The following PTPRD variants were observed in gnomAD, a reference collection of about 807,000 sequenced individuals.
The protein encoded by PTPRD is protein tyrosine phosphatase receptor type D, also known as receptor-type tyrosine-protein phosphatase delta.
A neutral mutation model predicts 214.5 loss-of-function variants in PTPRD; 34 were observed. That is an observed-to-expected ratio of 0.16 (90% CI 0.12 to 0.21). The LOEUF is 0.21. Ranked by LOEUF, PTPRD falls within the 10% of genes least tolerant of loss-of-function variation. PTPRD has a pLI of 1.00. For synonymous variants in PTPRD, 1,128 were observed against 845.7 expected (o/e 1.33, Z -5.79); for missense variants, 2,545 against 2,398.7 (o/e 1.06, Z -1.27).
intron 9 of PTPRD, among the ~76,000 whole-genome samples, chr9:9,372,443 T>A (rs2059776368): frequency 6.6e-6 from 1 of 152,084 alleles, no homozygotes; most frequent in Non-Finnish European, 1.5e-5. Context: ...AACCCCTGTC[T>A]TTTTTTGTTT....
At chr9:8,634,195 G>C (rs1357482830) in intron 13 of PTPRD, among the ~76,000 whole-genome samples, 1 of 151,474 alleles carries the variant, frequency 6.6e-6, no homozygotes, top group Non-Finnish European at 1.5e-5. Flanking sequence ...ACAGTTTAGT[G>C]ACACTGATAA....
chr9:10,370,170 A>G (rs1292441942), intron 2 of PTPRD, among the ~76,000 whole-genome samples: 1 of 152,104 alleles, frequency 6.6e-6, no homozygotes, highest in African/African-American at 2.4e-5. Flanking sequence ...GGACGTTGTT[A>G]AGTCACATAT....
At chr9:10,257,674 C>T (rs2093384885) in intron 3 of PTPRD, among the ~76,000 whole-genome samples, 1 of 152,072 alleles carries the variant, frequency 6.6e-6, no homozygotes, top group Non-Finnish European at 1.5e-5. Context: ...GACATCTGAC[C>T]CCACCTGGAC....
chr9:10,228,201 T>A (rs2099595660), intron 3 of PTPRD, among the ~76,000 whole-genome samples: 1 of 152,022 alleles, frequency 6.6e-6, no homozygotes, highest in South Asian at 2.1e-4. Context: ...AGGGAAGAGA[T>A]ATGTGCCTCT....
At chr9:9,058,753 G>GTT (rs892200353) in intron 10 of PTPRD, among the ~76,000 whole-genome samples, 5 of 150,750 alleles carry the variant, frequency 3.3e-5, no homozygotes, top group Non-Finnish European at 7.4e-5. Flanking sequence ...CCGGCCGAGG[G>GTT]TTTTTTTTTA....
At chr9:8,429,843 A>T (rs2132091986) in intron 35 of PTPRD, among the ~76,000 whole-genome samples, 1 of 152,338 alleles carries the variant, frequency 6.6e-6, no homozygotes, top group South Asian at 2.1e-4. Context: ...TCTGTGAACC[A>T]CAGAGTTTCT....
chr9:9,657,251 T>C (rs538019255), intron 7 of PTPRD, among the ~76,000 whole-genome samples: 129 of 152,092 alleles, frequency 8.5e-4, no homozygotes, highest in African/African-American at 3.0e-3. Context: ...GGTTTCAAGA[T>C]ACACCGTGAA....
At chr9:9,604,946 G>A (rs1055044920) in intron 7 of PTPRD, among the ~76,000 whole-genome samples, 4 of 151,858 alleles carry the variant, frequency 2.6e-5, no homozygotes, top group African/African-American at 9.7e-5. Flanking sequence ...ACAGGAGGTG[G>A]TCCCTGATAT....
intron 3 of PTPRD, among the ~76,000 whole-genome samples, chr9:10,138,544 T>G (rs550673130): frequency 6.6e-6 from 1 of 152,096 alleles, no homozygotes; most frequent in South Asian, 2.1e-4. Context: ...CAAGGGAGGA[T>G]GCACTATTCT....
intron 11 of PTPRD, among the ~76,000 whole-genome samples, chr9:9,009,849 T>C (rs1237473119): frequency 1.3e-5 from 2 of 152,026 alleles, no homozygotes; most frequent in Non-Finnish European, 2.9e-5. Context: ...TTTATACTAA[T>C]CTTCATAAAT....
At chr9:10,386,714 C>T (rs1321237289) in intron 2 of PTPRD, among the ~76,000 whole-genome samples, 1 of 151,158 alleles carries the variant, frequency 6.6e-6, no homozygotes, top group Non-Finnish European at 1.5e-5. Context: ...GAGAGAGAGA[C>T]AAATAAAAGA....
intron 11 of PTPRD, among the ~76,000 whole-genome samples, chr9:8,948,021 CTTTTT>C (rs34611971): frequency 8.4e-6 from 1 of 119,452 alleles, no homozygotes. Flanking sequence ...CTCTCTCTCT[CTTTTT>C]TTTTTTTTTT....
At position 9,653,977 on chromosome 9, in the gene PTPRD, G is replaced by C. The variant is rs543931523; in HGVS notation, c.-286-79196C>G. 2.6e-5 allele frequency among the ~76,000 whole-genome samples: 4 copies of C among 152,222 alleles called. No individual in the cohort carries two copies. The East Asian group carries it at 7.7e-4, about 29-fold the overall frequency. ...TTTATTTTTGCTTTGATGTAGCTAA[G>C]ATATTACAGACTTCACTTAGAATAT... On this transcript the variant is annotated intron_variant, in intron 7 of 45. Transcript: ENST00000381196.
chr9:8,775,075 T>C lies in PTPRD; in HGVS notation c.-103-41129A>G, dbSNP rs143751245. ...TCCAATTAATTGCTATGTCCAGTGATGCCTTAAGTGATGCAGGTACTAACA... is the reference window on the plus strand; with the variant it reads ...TCCAATTAATTGCTATGTCCAGTGACGCCTTAAGTGATGCAGGTACTAACA... On this transcript the variant is annotated intron_variant, in intron 11 of 45. Transcript: ENST00000381196. 9.3e-4 allele frequency among the ~76,000 whole-genome samples: 142 copies of C among 152,308 alleles called. 1 individual carries two copies. The South Asian group carries it at 0.015, about 16-fold the overall frequency.
At chr9:9,681,673 G>T (rs1380849037) in intron 7 of PTPRD, among the ~76,000 whole-genome samples, 1 of 151,706 alleles carries the variant, frequency 6.6e-6, no homozygotes, top group African/African-American at 2.4e-5. Flanking sequence ...CTCCTTGAGA[G>T]AAATTAATCT....
intron 2 of PTPRD, among the ~76,000 whole-genome samples, chr9:10,444,817 C>T (rs1005524752): frequency 6.6e-6 from 1 of 151,796 alleles, no homozygotes; most frequent in African/African-American, 2.4e-5. Context: ...ATAAATTAGA[C>T]TTTGTGTTTA....
intron 8 of PTPRD, among the ~76,000 whole-genome samples, chr9:9,555,258 G>C (rs1056970960): frequency 1.3e-5 from 2 of 151,736 alleles, no homozygotes; most frequent in African/African-American, 4.8e-5. Context: ...ATCTTATTAG[G>C]GCAGATATAT....
intron 39 of PTPRD, among the ~76,000 whole-genome samples, chr9:8,343,770 A>G (rs1854818998): frequency 6.6e-6 from 1 of 152,106 alleles, no homozygotes; most frequent in South Asian, 2.1e-4. Context: ...CCCTACACAA[A>G]GCATGCAGTA....
chr9:9,390,173 C>G (rs899719371), intron 9 of PTPRD, among the ~76,000 whole-genome samples: 5 of 151,994 alleles, frequency 3.3e-5, no homozygotes, highest in Non-Finnish European at 5.9e-5. Context: ...AGCGGGGAAG[C>G]CGGATTATCT....
Sources: gnomAD v4.1 joint callset for allele counts (sites outside exome capture counted in the v4.1 genomes callset) on GRCh38, gnomAD v4.1.1 for gene constraint, MANE v1.5 for transcripts, NCBI Gene and HGNC (gene_info 2026-07-23, HGNC 2026-07-21) for gene names.